Variants in NEDD4L observed in about 807,000 individuals in gnomAD.
NEDD4L encodes the protein NEDD4 like E3 ubiquitin protein ligase.
A neutral mutation model predicts 148.9 loss-of-function variants in NEDD4L; 54 were observed. That is an observed-to-expected ratio of 0.36 (90% confidence interval 0.29 to 0.45). The LOEUF (loss-of-function observed/expected upper bound fraction) is 0.45, where lower values mean the gene tolerates loss of function less well. NEDD4L is among the 20% of genes least tolerant of loss of function. NEDD4L has a pLI of 1.00. For missense variants in NEDD4L, 856 were observed against 1,233.8 expected (o/e 0.69, Z 4.59); for synonymous variants, 433 against 440.7 (o/e 0.98, Z 0.22).
intron 1 of NEDD4L, chr18:58,055,023 G>GTGA (rs1384988829): frequency 6.6e-6 from 1 of 152,200 alleles, no homozygotes; most frequent in Non-Finnish European, 1.5e-5. Flanking sequence ...AGCTGTGGGA[G>GTGA]TGATGGGTGG....
intron 2 of NEDD4L, among the ~76,000 whole-genome samples, chr18:58,178,866 A>G (rs1797491798): frequency 6.6e-6 from 1 of 152,236 alleles, no homozygotes; most frequent in Non-Finnish European, 1.5e-5. Flanking sequence ...TAGATGCTTA[A>G]AACTAGGCGT....
intron 28 of NEDD4L, among the ~76,000 whole-genome samples, chr18:58,389,789 C>T (rs562381680): frequency 2.7e-5 from 4 of 149,596 alleles, no homozygotes; most frequent in African/African-American, 9.8e-5. Flanking sequence ...TTATTTACTT[C>T]ACCCCAAAAA....
chr18:58,261,296 G>A (rs2049344690), intron 5 of NEDD4L, among the ~76,000 whole-genome samples: 1 of 152,068 alleles, frequency 6.6e-6, no homozygotes, highest in Non-Finnish European at 1.5e-5. Context: ...ATAACATTTT[G>A]GCTTGCATTT....
intron 1 of NEDD4L, among the ~76,000 whole-genome samples, chr18:58,094,697 G>A (rs1425696683): frequency 3.3e-5 from 5 of 149,848 alleles, no homozygotes; most frequent in African/African-American, 1.2e-4. Flanking sequence ...CTGTGTAGAT[G>A]GCCCCAACAT....
At chr18:58,359,000 T>C (rs1432338301) in intron 19 of NEDD4L, among the ~76,000 whole-genome samples, 1 of 152,220 alleles carries the variant, frequency 6.6e-6, no homozygotes, top group Non-Finnish European at 1.5e-5. Context: ...AATGTTCTTT[T>C]TCTTTTTAAA....
chr18:58,201,513 A>G (rs992589456), intron 2 of NEDD4L, among the ~76,000 whole-genome samples: 6 of 152,188 alleles, frequency 3.9e-5, no homozygotes, highest in Non-Finnish European at 7.3e-5. Flanking sequence ...ATTTCTTGGC[A>G]GTCCTTTTTT....
chr18:58,212,027 A>C (rs2042648756), intron 2 of NEDD4L, among the ~76,000 whole-genome samples: 1 of 152,246 alleles, frequency 6.6e-6, no homozygotes, highest in South Asian at 2.1e-4. Flanking sequence ...TTACAAGAAA[A>C]TATAAGAACC....
intron 5 of NEDD4L, among the ~76,000 whole-genome samples, chr18:58,278,536 G>A (rs1194809697): frequency 2.0e-5 from 3 of 152,064 alleles, no homozygotes; most frequent in African/African-American, 7.2e-5. Context: ...AACCCCATAC[G>A]GTCCTCCATT....
intron 2 of NEDD4L, among the ~76,000 whole-genome samples, chr18:58,187,509 A>G (rs2039605709): frequency 6.6e-6 from 1 of 152,262 alleles, no homozygotes; most frequent in Non-Finnish European, 1.5e-5. Context: ...ATACATGATT[A>G]GGATTTAAAT....
At chr18:58,333,542 G>A (rs2144814547) in intron 11 of NEDD4L, among the ~76,000 whole-genome samples, 1 of 152,292 alleles carries the variant, frequency 6.6e-6, no homozygotes, top group Admixed American at 6.5e-5. Context: ...GTGTTGCAGA[G>A]TCCTGTTGAG....
chr18:58,205,636 G>A (rs766228154), intron 2 of NEDD4L, among the ~76,000 whole-genome samples: 19 of 151,280 alleles, frequency 1.3e-4, no homozygotes, highest in Middle Eastern at 3.4e-3. Flanking sequence ...GTAGGAAGGC[G>A]GATCTTGAAA....
intron 1 of NEDD4L, among the ~76,000 whole-genome samples, chr18:58,152,615 A>G (rs1303833925): frequency 6.6e-6 from 1 of 152,212 alleles, no homozygotes; most frequent in Non-Finnish European, 1.5e-5. Flanking sequence ...GTGCTTCAGA[A>G]TCATCTGGGT....
intron 24 of NEDD4L, among the ~76,000 whole-genome samples, chr18:58,374,597 G>C (rs1230239720): frequency 6.6e-6 from 1 of 152,084 alleles, no homozygotes; most frequent in African/African-American, 2.4e-5. Flanking sequence ...TGCCCCTCTG[G>C]TCTCCAGCAG....
At chr18:58,227,633 T>C (rs1361103142) in intron 2 of NEDD4L, among the ~76,000 whole-genome samples, 1 of 152,214 alleles carries the variant, frequency 6.6e-6, no homozygotes, top group African/African-American at 2.4e-5. Flanking sequence ...GGGATTAGCC[T>C]CGCGAAGTTC....
In NEDD4L at chr18:58,115,245, C is replaced by CTTT. The variant is rs60541981; in HGVS notation, c.49-50529_49-50527dup. ...TCTTTTTTCTTTTCTTTCTTTCTTT[C>CTTT]TTTTTTTTTTTTTTTTCTGGTTCTG... On this transcript the variant is annotated intron_variant, in intron 1 of 30. Transcript: ENST00000400345. Among the ~76,000 whole-genome samples the CTTT allele has an allele frequency of 1.9e-4, 24 of 129,526 alleles. 1 individual carries two copies. The highest frequency in any genetic ancestry group is 3.5e-4 in the African/African-American group (12 of 34,230). The allele number at this position is 129,526 out of a possible 152,430, so 85.0% of individuals were successfully genotyped here. A position where few individuals can be genotyped will look rare whatever the true frequency, so the allele number is the denominator to read the frequency against.
At chr18:58,334,134 A>G (rs939057133) in intron 12 of NEDD4L, 2 of 427,862 alleles carry the variant, frequency 4.7e-6, no homozygotes, top group Admixed American at 4.0e-5. Flanking sequence ...ATTTATACCA[A>G]TTTTGATTTG....
chr18:58,393,560 A>G (rs569590508), intron 30 of NEDD4L, among the ~76,000 whole-genome samples: 1 of 152,336 alleles, frequency 6.6e-6, no homozygotes, highest in Non-Finnish European at 1.5e-5. Context: ...TGTTCTCCCC[A>G]GACTAACTTG....
intron 5 of NEDD4L, among the ~76,000 whole-genome samples, chr18:58,306,534 A>G (rs982447800): frequency 1.3e-5 from 2 of 152,010 alleles, no homozygotes; most frequent in African/African-American, 4.8e-5. Context: ...ACTCTGGTAC[A>G]TGAAGTACAG....
At chr18:58,345,618 A>G (rs1194801411) in intron 16 of NEDD4L, among the ~76,000 whole-genome samples, 3 of 152,232 alleles carry the variant, frequency 2.0e-5, no homozygotes, top group Non-Finnish European at 2.9e-5. Flanking sequence ...CCCTCTATAC[A>G]TTGAGAAATT....
Sources: allele counts gnomAD v4.1 joint callset (sites outside exome capture counted in the v4.1 genomes callset), GRCh38; gene constraint gnomAD v4.1.1; transcripts MANE v1.5; gene names NCBI Gene and HGNC (gene_info 2026-07-23, HGNC 2026-07-21).